Variants in MRPS27 observed in about 807,000 individuals in gnomAD.
The protein encoded by MRPS27 is mitochondrial ribosomal protein S27, also known as small ribosomal subunit protein mS27.
MRPS27 carries 43 observed loss-of-function variants against 48.9 expected under a neutral mutation model. That is an observed-to-expected ratio of 0.88 (90% confidence interval 0.69 to 1.13). The LOEUF (loss-of-function observed/expected upper bound fraction) is 1.13. MRPS27 is among the 50% of genes most tolerant of loss of function. The probability of loss-of-function intolerance (pLI) is 0.00; values close to 1 mark genes in which losing one functional copy is unlikely to be tolerated. For synonymous variants in MRPS27, 188 were observed against 171.9 expected, an observed-to-expected ratio of 1.09 and a Z score of -0.73; for missense variants, 467 against 476.3, an observed-to-expected ratio of 0.98 and a Z score of 0.18.
chr5:72,259,359 T>C (rs1212382837), intron 4 of MRPS27, among the ~76,000 whole-genome samples: 3 of 151,690 alleles, frequency 2.0e-5, no homozygotes, highest in South Asian at 2.1e-4. Flanking sequence ...TACCAGCTAC[T>C]TGGGAGGCTG....
At chr5:72,294,046 G>A (rs919638977) in intron 4 of MRPS27, among the ~76,000 whole-genome samples, 1 of 152,084 alleles carries the variant, frequency 6.6e-6, no homozygotes, top group African/African-American at 2.4e-5. Context: ...AACTAAGTTA[G>A]GACCTAAAAT....
At chr5:72,238,450 AT>A (rs1748263089) in intron 4 of MRPS27, among the ~76,000 whole-genome samples, 1 of 152,216 alleles carries the variant, frequency 6.6e-6, no homozygotes, top group Non-Finnish European at 1.5e-5. Context: ...ATGTAAACAG[AT>A]ATTTCATTAG....
chr5:72,229,425 C>T (rs116202258), intron 7 of MRPS27: 6 of 152,086 alleles, frequency 3.9e-5, no homozygotes, highest in Non-Finnish European at 8.8e-5. Context: ...AACGCCCCCC[C>T]CCAAGCACTT....
At chr5:72,242,428 G>GGA (rs1554057622) in intron 4 of MRPS27, among the ~76,000 whole-genome samples, 10 of 120,776 alleles carry the variant, frequency 8.3e-5, no homozygotes, top group Admixed American at 8.1e-4. Context: ...GATCAAGAGT[G>GGA]AAAAAAAAAA....
intron 4 of MRPS27, among the ~76,000 whole-genome samples, chr5:72,267,555 T>C (rs1438974918): frequency 2.6e-5 from 4 of 152,220 alleles, no homozygotes; most frequent in Non-Finnish European, 5.9e-5. Flanking sequence ...TGGCATTAAT[T>C]TGCTCATAGA....
At chr5:72,319,835 C>T (rs1750700191) in intron 1 of MRPS27, among the ~76,000 whole-genome samples, 1 of 152,168 alleles carries the variant, frequency 6.6e-6, no homozygotes. Flanking sequence ...CCACCGCGCC[C>T]GGCGCACATT....
intron 4 of MRPS27, among the ~76,000 whole-genome samples, chr5:72,286,430 A>T (rs1749675593): frequency 6.6e-6 from 1 of 152,232 alleles, no homozygotes; most frequent in South Asian, 2.1e-4. Flanking sequence ...AGAAGTCCAG[A>T]AATAGACTCA....
rs556333421 is a variant in MRPS27, at chr5:72,279,385, A to T, written c.281+16146T>A. 3.3e-5 allele frequency among the ~76,000 whole-genome samples: 5 copies of T among 152,290 alleles called. No individual in the cohort carries two copies. The South Asian group carries it at 1.0e-3, about 32-fold the overall frequency. Reference sequence around the variant, plus strand: ...ATCTTTGTTAGCTACATGCATTGCAAATCTTCCCTGGTCTTTTAATTTTGT... The same window carrying T: ...ATCTTTGTTAGCTACATGCATTGCATATCTTCCCTGGTCTTTTAATTTTGT... On this transcript the variant is annotated intron_variant, in intron 4 of 10. Transcript: ENST00000261413.
At position 72,298,711 on chromosome 5, in the gene MRPS27, TCAAAAAAAAAAA is replaced by T. The variant is rs1259738971; in HGVS notation, c.152-1021_152-1010del. On this transcript the variant is annotated intron_variant, in intron 2 of 10. Coordinates refer to ENST00000261413, the MANE Select transcript of MRPS27 (RefSeq NM_015084.3). ...CTGGGAGACAGAGCGAGACTCCGTC[TCAAAAAAAAAAA>T]CAAAAAAAAAAAAAACAGAGCTACC... Among the ~76,000 whole-genome samples the T allele has an allele frequency of 1.2e-4, 7 of 56,376 alleles. No individual in the cohort carries two copies. The East Asian group carries it at 2.8e-3, about 23-fold the overall frequency. The allele number at this position is 56,376 out of a possible 152,430, so 37.0% of individuals were successfully genotyped here. A position where few individuals can be genotyped will look rare whatever the true frequency, so the allele number is the denominator to read the frequency against.
chr5:72,239,022 C>A (rs1028144526), intron 4 of MRPS27, among the ~76,000 whole-genome samples: 2 of 152,128 alleles, frequency 1.3e-5, no homozygotes, highest in African/African-American at 4.8e-5. Flanking sequence ...GATGGACCCT[C>A]ATATGCTATA....
At chr5:72,273,667 A>C (rs2112021455) in intron 4 of MRPS27, among the ~76,000 whole-genome samples, 1 of 152,350 alleles carries the variant, frequency 6.6e-6, no homozygotes, top group African/African-American at 2.4e-5. Flanking sequence ...ATGGGATAAA[A>C]GATATAAAAT....
intron 4 of MRPS27, among the ~76,000 whole-genome samples, chr5:72,273,111 C>T (rs1390966503): frequency 2.0e-5 from 3 of 152,060 alleles, no homozygotes; most frequent in Non-Finnish European, 4.4e-5. Context: ...CTGAGAAATT[C>T]AAGTCTTATC....
At chr5:72,317,610 T>G (rs1044046364) in intron 1 of MRPS27, among the ~76,000 whole-genome samples, 3 of 152,180 alleles carry the variant, frequency 2.0e-5, no homozygotes, top group African/African-American at 7.2e-5. Context: ...ACTCCTGACC[T>G]CAGGTGATCC....
intron 7 of MRPS27, chr5:72,229,281 G>A (rs543105199): frequency 5.3e-5 from 8 of 152,268 alleles, no homozygotes; most frequent in East Asian, 1.9e-4. Flanking sequence ...TTACAACCAC[G>A]GGCAAGTGAG....
intron 4 of MRPS27, among the ~76,000 whole-genome samples, chr5:72,241,955 C>T (rs1383661593): frequency 6.6e-6 from 1 of 152,178 alleles, no homozygotes; most frequent in Non-Finnish European, 1.5e-5. Flanking sequence ...ACCCAAATAT[C>T]CCCAACAAGG....
intron 4 of MRPS27, among the ~76,000 whole-genome samples, chr5:72,242,088 C>G (rs1687955011): frequency 6.6e-6 from 1 of 152,298 alleles, no homozygotes; most frequent in Admixed American, 6.5e-5. Context: ...AGTGTACTCT[C>G]AAGTTCTAGC....
intron 4 of MRPS27, among the ~76,000 whole-genome samples, chr5:72,278,217 C>T (rs930201217): frequency 1.1e-4 from 17 of 151,842 alleles, no homozygotes; most frequent in East Asian, 5.8e-4. Flanking sequence ...CCGAGGCGGG[C>T]GGATCACGAG....
In MRPS27 at chr5:72,220,341, T is replaced by G. The variant is rs1747706743; in HGVS notation, c.*568A>C. ...GTTGAGACCAGCCTGACCAACATGG[T>G]GAAACCCCATCTCTACTAAAAATGC... On this transcript the variant is annotated 3_prime_UTR_variant, in exon 11 of 11. Coordinates refer to ENST00000261413, the MANE Select transcript of MRPS27 (RefSeq NM_015084.3). The G allele has an allele frequency of 6.5e-6, 1 of 152,690 alleles. No individual in the cohort carries two copies. The highest frequency in any genetic ancestry group is 2.4e-5 in the African/African-American group (1 of 41,420). The allele number at this position is 152,690 out of a possible 1,614,324, so 9.5% of individuals were successfully genotyped here. A position where few individuals can be genotyped will look rare whatever the true frequency, so the allele number is the denominator to read the frequency against.
intron 4 of MRPS27, among the ~76,000 whole-genome samples, chr5:72,290,632 C>G (rs568798396): frequency 1.3e-5 from 2 of 152,136 alleles, no homozygotes; most frequent in Non-Finnish European, 2.9e-5. Flanking sequence ...AAATCTAATT[C>G]TTAGGAATGC....
Sources: allele counts gnomAD v4.1 joint callset (sites outside exome capture counted in the v4.1 genomes callset), GRCh38; gene constraint gnomAD v4.1.1; transcripts MANE v1.5; gene names NCBI Gene and HGNC (gene_info 2026-07-23, HGNC 2026-07-21).